Variants in PTPN1 observed in about 807,000 individuals in gnomAD.
The protein encoded by PTPN1 is tyrosine-protein phosphatase non-receptor type 1.
Under a neutral mutation model 59.9 loss-of-function variants are expected in PTPN1, and 12 were observed. The observed-to-expected ratio is 0.20, with a 90% CI of 0.13 to 0.32. The LOEUF is 0.32. PTPN1 is among the 10% of genes least tolerant of loss of function. The pLI is 1.00. For missense variants in PTPN1, 356 were observed against 549.2 expected, an observed-to-expected ratio of 0.65 and a Z score of 3.52; for synonymous variants, 178 against 203.6, an observed-to-expected ratio of 0.87 and a Z score of 1.07.
At chr20:50,581,924 T>C (rs1029779647) in intron 9 of PTPN1, among the ~76,000 whole-genome samples, 3 of 152,246 alleles carry the variant, frequency 2.0e-5, no homozygotes, top group Non-Finnish European at 4.4e-5. Context: ...TAATTTATAT[T>C]TGATTTCCCA....
At chr20:50,527,587 C>T (rs945392490) in intron 1 of PTPN1, among the ~76,000 whole-genome samples, 2 of 152,136 alleles carry the variant, frequency 1.3e-5, no homozygotes, top group Non-Finnish European at 2.9e-5. Flanking sequence ...GTTGGCCAGG[C>T]TAGCCTCAAG....
chr20:50,525,341 G>A (rs2082570038), intron 1 of PTPN1, among the ~76,000 whole-genome samples: 2 of 152,238 alleles, frequency 1.3e-5, no homozygotes, highest in South Asian at 2.1e-4. Flanking sequence ...GATTACAGGC[G>A]TGAGCCACCG....
intron 5 of PTPN1, 67 bp from the exon 6 acceptor site, chr20:50,578,353 A>C: frequency 1.5e-6 from 2 of 1,343,598 alleles, no homozygotes. Flanking sequence ...CTCTGTGTGT[A>C]CTTGGAATTA....
chr20:50,560,587 A>G (rs936078950), intron 1 of PTPN1, among the ~76,000 whole-genome samples: 4 of 146,682 alleles, frequency 2.7e-5, no homozygotes, highest in African/African-American at 1.0e-4. Context: ...CTGCTCTCCT[A>G]TTCCCACCGT....
intron 1 of PTPN1, among the ~76,000 whole-genome samples, chr20:50,547,044 A>G (rs892559524): frequency 7.9e-5 from 12 of 152,228 alleles, no homozygotes; most frequent in Admixed American, 7.9e-4. Flanking sequence ...AGCATTTTAA[A>G]AAAAATAGTG....
At position 50,579,305 on chromosome 20, in the gene PTPN1, C is replaced by G; in HGVS notation, c.840C>G (p.Phe280Leu). The change falls in exon 7 of 10, where the codon TTC becomes TTG. Residue 280 changes from phenylalanine to leucine, a missense_variant. This residue lies in a region of PTPN1 where 100 missense variants were observed against 107.7 expected (regional missense o/e 0.93). Transcript: ENST00000371621. ...TGGCTGTGATCGAAGGTGCCAAATT[C>G]ATCATGGGGGACTCTTCCGTGCAGG... is the stretch of plus-strand genomic sequence containing the variant. ...SYLAVIEGAK[F>L]IMGDSSVQDQ... 1 of 1,614,224 alleles carries G rather than the reference C, an allele frequency of 6.2e-7. No individual in the cohort carries two copies. The highest frequency in any genetic ancestry group is 8.5e-7 in the Non-Finnish European group (1 of 1,180,048).
At position 50,582,551 on chromosome 20, in the gene PTPN1, C is replaced by A; in HGVS notation, c.1285-141C>A. The A allele has an allele frequency of 1.3e-6, 1 of 790,754 alleles. No individual in the cohort carries two copies. The highest frequency in any genetic ancestry group is 2.0e-6 in the Non-Finnish European group (1 of 492,228). 49.0% of individuals were successfully genotyped at this position (790,754 alleles called of 1,614,324 possible). A position where few individuals can be genotyped will look rare whatever the true frequency, so the allele number is the denominator to read the frequency against. ...GGGGATGATTTTTGGGGAGAGGGGG[C>A]TACTGTAAAAAATAAAACCAAAACC... On this transcript the variant is annotated intron_variant, in intron 9 of 9. Transcript: ENST00000371621. This position sits in a 1 kb window ranked among gnomAD's most constrained non-coding sequence, Gnocchi z 4.2.
chr20:50,531,192 A>G (rs1391145702), intron 1 of PTPN1, among the ~76,000 whole-genome samples: 1 of 152,098 alleles, frequency 6.6e-6, no homozygotes, highest in Non-Finnish European at 1.5e-5. Context: ...TCTCCAGACC[A>G]CCACACTCAC....
chr20:50,549,422 C>T (rs1349835326), intron 1 of PTPN1, among the ~76,000 whole-genome samples: 3 of 152,058 alleles, frequency 2.0e-5, no homozygotes, highest in Admixed American at 1.3e-4. Context: ...TTTTTTTCCA[C>T]GTAGTTTTCC....
At chr20:50,513,226 C>G (rs1004225736) in intron 1 of PTPN1, among the ~76,000 whole-genome samples, 5 of 152,150 alleles carry the variant, frequency 3.3e-5, no homozygotes, top group African/African-American at 1.2e-4. Flanking sequence ...TAATAAGCAT[C>G]TAGGTCTATA....
At chr20:50,569,492 G>A (rs978595518) in intron 4 of PTPN1, among the ~76,000 whole-genome samples, 3 of 151,240 alleles carry the variant, frequency 2.0e-5, no homozygotes. Context: ...CTGGGCAGCC[G>A]GCCTCCTGTG....
At chr20:50,555,530 G>T (rs1431452063) in intron 1 of PTPN1, among the ~76,000 whole-genome samples, 1 of 152,114 alleles carries the variant, frequency 6.6e-6, no homozygotes, top group Non-Finnish European at 1.5e-5. Context: ...AAGTGGGTAT[G>T]TTTTATTATT....
At position 50,555,703 on chromosome 20, in the gene PTPN1, C is replaced by T. The variant is rs1417944395; in HGVS notation, c.64-5660C>T. Among the ~76,000 whole-genome samples the T allele has an allele frequency of 9.2e-5, 14 of 151,900 alleles. No homozygotes were observed. The East Asian group carries it at 1.7e-3, about 19-fold the overall frequency. On this transcript the variant is annotated intron_variant, in intron 1 of 9. Transcript: ENST00000371621. ...ATGTCTTTATTAAATGACATCTCCA[C>T]GTTTTGCTTCTTACCTCTATTTTTT... is the stretch of plus-strand genomic sequence containing the variant.
intron 1 of PTPN1, among the ~76,000 whole-genome samples, chr20:50,516,225 A>AT (rs11481265): frequency 0.95 from 142,899 of 151,156 alleles, 67,600 homozygotes; most frequent in East Asian, 1. Context: ...CAAGTCTTTG[A>AT]TTTTTTTTTT....
chr20:50,564,973 C>T lies in PTPN1; in HGVS notation c.159C>T (p.Asp53=), dbSNP rs1056968283. The change falls in exon 3 of 10, where the codon GAC becomes GAT. Residue 53 remains aspartate, a synonymous_variant. Coordinates refer to ENST00000371621, the MANE Select transcript of PTPN1 (RefSeq NM_002827.4). ...RNRYRDVSPF[D]HSRIKLHQED... ...GAGTTCTGGTTTGTCTTTCAGTTGA[C>T]CATAGTCGGATTAAACTACATCAAG... 7 of 1,613,146 alleles carry T rather than the reference C, an allele frequency of 4.3e-6. No individual in the cohort carries two copies. Among genetic ancestry groups the T allele is most frequent in the Admixed American group, 1.7e-5 (1 of 59,614 alleles).
At chr20:50,564,286 T>C (rs2082768542) in intron 2 of PTPN1, among the ~76,000 whole-genome samples, 1 of 152,170 alleles carries the variant, frequency 6.6e-6, no homozygotes, top group Admixed American at 6.5e-5. Flanking sequence ...CCACCATATT[T>C]TCTGCCCTCT....
chr20:50,570,483 T>C lies in PTPN1; in HGVS notation c.354+2005T>C, dbSNP rs1451215525. Among the ~76,000 whole-genome samples the C allele has an allele frequency of 3.3e-5, 5 of 152,376 alleles. No individual in the cohort carries two copies. In the South Asian group the frequency reaches 8.3e-4, roughly 25 times the overall value. ...AGTGAAAGGTGGTTTTTAAATTTTTTCTTCCCTCCTTAGTAGCTTGATTAG... is the reference window on the plus strand; with the variant it reads ...AGTGAAAGGTGGTTTTTAAATTTTTCCTTCCCTCCTTAGTAGCTTGATTAG... On this transcript the variant is annotated intron_variant, in intron 4 of 9. Coordinates refer to ENST00000371621, the MANE Select transcript of PTPN1 (RefSeq NM_002827.4).
intron 5 of PTPN1, chr20:50,574,880 C>G: frequency 2.1e-6 from 1 of 486,956 alleles, no homozygotes; most frequent in South Asian, 3.0e-5. Context: ...ACAGTTAACA[C>G]CAGTTCTTAG....
chr20:50,522,820 C>A (rs2082556803), intron 1 of PTPN1, among the ~76,000 whole-genome samples: 1 of 152,158 alleles, frequency 6.6e-6, no homozygotes, highest in African/African-American at 2.4e-5. Context: ...ATGGCACGAT[C>A]TCAGCTCACT....
Sources: gnomAD v4.1 joint callset for allele counts (sites outside exome capture counted in the v4.1 genomes callset) on GRCh38, gnomAD v4.1.1 for gene constraint, gnomAD v4.1.1 regional missense constraint, Gnocchi (gnomAD v3.1) non-coding constraint, MANE v1.5 for transcripts, NCBI Gene and HGNC (gene_info 2026-07-23, HGNC 2026-07-21) for gene names.